Variants in RGS6 observed in about 807,000 individuals in gnomAD.
The protein encoded by RGS6 is regulator of G-protein signaling 6.
In RGS6, 30 loss-of-function variants were observed where a neutral mutation model predicts 78.5. The observed-to-expected ratio is 0.38, with a 90% CI of 0.29 to 0.52. The LOEUF (loss-of-function observed/expected upper bound fraction) is 0.52, where lower values mean the gene tolerates loss of function less well. Ranked by LOEUF, RGS6 falls within the 20% of genes least tolerant of loss-of-function variation. RGS6 has a pLI of 0.85. For synonymous variants in RGS6, 206 were observed against 206.0 expected (o/e 1.00, Z 0.00); for missense variants, 495 against 609.7 (o/e 0.81, Z 1.98).
chr14:72,278,219 G>A (rs1206056987), intron 2 of RGS6, among the ~76,000 whole-genome samples: 1 of 152,142 alleles, frequency 6.6e-6, no homozygotes, highest in African/African-American at 2.4e-5. Context: ...ATCCTTCAAC[G>A]ATTCCTGAAT....
chr14:71,925,961 G>T, the RGS6 span, among the ~76,000 whole-genome samples: 2 of 151,968 alleles, frequency 1.3e-5, no homozygotes, highest in Non-Finnish European at 2.9e-5. Flanking sequence ...AACCAAGGAG[G>T]TAAAAGATCT....
chr14:72,081,020 G>T (rs1370268986), intron 2 of RGS6, among the ~76,000 whole-genome samples: 1 of 152,018 alleles, frequency 6.6e-6, no homozygotes, highest in Non-Finnish European at 1.5e-5. Context: ...GGTTCCATAT[G>T]AATTTTAGGA....
intron 3 of RGS6, among the ~76,000 whole-genome samples, chr14:72,392,209 A>C (rs961128321): frequency 6.7e-6 from 1 of 150,080 alleles, no homozygotes; most frequent in African/African-American, 2.5e-5. Flanking sequence ...TATATTTGTC[A>C]CAAGGATTTG....
In RGS6 at chr14:71,991,597, A is replaced by G. The variant is rs192093759; in HGVS notation, c.84+26722A>G. On this transcript the variant is annotated intron_variant, in intron 2 of 17. Coordinates refer to ENST00000553525, the MANE Select transcript of RGS6 (RefSeq NM_001204424.2). ...AATTCCGAAATTATAGATAAGCCAA[A>G]GAAATAAATAAAACATGTAACAACC... 2.9e-3 allele frequency among the ~76,000 whole-genome samples: 443 copies of G among 152,350 alleles called. 2 individuals are homozygous for G. Among genetic ancestry groups the G allele is most frequent in the Non-Finnish European group, 4.3e-3 (293 of 68,030 alleles).
chr14:72,523,574 A>C (rs981223697), intron 15 of RGS6, among the ~76,000 whole-genome samples: 3 of 151,966 alleles, frequency 2.0e-5, no homozygotes, highest in Non-Finnish European at 4.4e-5. Flanking sequence ...TTCTTATTTG[A>C]CCACACGCAT....
intron 3 of RGS6, among the ~76,000 whole-genome samples, chr14:72,390,479 AC>A (rs2089667700): frequency 6.6e-6 from 1 of 152,164 alleles, no homozygotes; most frequent in African/African-American, 2.4e-5. Flanking sequence ...TATAGATGGG[AC>A]AAAAAGATTT....
rs896278669 is a variant in RGS6 at position 72,073,615 on chromosome 14, A to G, written c.84+108740A>G. On this transcript the variant is annotated intron_variant, in intron 2 of 17. Transcript: ENST00000553525. Reference sequence around the variant, plus strand: ...CACACTGGGACCACTTAGACATGCCAGTTCACCTAATGGGCACAGCTTTGG... The same window carrying G: ...CACACTGGGACCACTTAGACATGCCGGTTCACCTAATGGGCACAGCTTTGG... Among the ~76,000 whole-genome samples the G allele has an allele frequency of 7.9e-5, 12 of 152,344 alleles. No homozygotes were observed. In the East Asian group the frequency reaches 1.9e-3, roughly 24 times the overall value.
the RGS6 span, among the ~76,000 whole-genome samples, chr14:72,591,833 G>A: frequency 1.3e-5 from 2 of 152,182 alleles, no homozygotes; most frequent in African/African-American, 2.4e-5. Context: ...GAAGGGTTGG[G>A]TATCCTGTCC....
At chr14:72,427,554 G>A (rs1284759028) in intron 3 of RGS6, among the ~76,000 whole-genome samples, 1 of 152,172 alleles carries the variant, frequency 6.6e-6, no homozygotes, top group Non-Finnish European at 1.5e-5. Flanking sequence ...TATTCTGTTG[G>A]GGGTAGTTTG....
chr14:72,447,710 C>A (rs2095400694), intron 3 of RGS6, among the ~76,000 whole-genome samples: 1 of 152,108 alleles, frequency 6.6e-6, no homozygotes. Context: ...GTCCTGTTTT[C>A]TTTATTTTTG....
chr14:71,970,810 C>T (rs1362752431), intron 2 of RGS6, among the ~76,000 whole-genome samples: 2 of 152,086 alleles, frequency 1.3e-5, no homozygotes, highest in Non-Finnish European at 2.9e-5. Context: ...TTGGTAGAAG[C>T]AACTGAGGGG....
At chr14:72,280,828 T>TA (rs1333707453) in intron 2 of RGS6, among the ~76,000 whole-genome samples, 1 of 152,218 alleles carries the variant, frequency 6.6e-6, no homozygotes, top group East Asian at 1.9e-4. Context: ...GTCCAGGTCT[T>TA]ATATGACTCC....
intron 2 of RGS6, among the ~76,000 whole-genome samples, chr14:72,294,695 C>G (rs1179680144): frequency 1.3e-5 from 2 of 151,976 alleles, no homozygotes; most frequent in African/African-American, 2.4e-5. Context: ...TTCACATGGC[C>G]AGGGCAGGAG....
At chr14:72,275,316 C>G (rs966603634) in intron 2 of RGS6, among the ~76,000 whole-genome samples, 1 of 152,132 alleles carries the variant, frequency 6.6e-6, no homozygotes, top group African/African-American at 2.4e-5. Context: ...CTAACAAATT[C>G]AGGCCACATG....
intron 7 of RGS6, among the ~76,000 whole-genome samples, chr14:72,467,006 CTCTA>C (rs140779817): frequency 0.037 from 5,590 of 152,260 alleles, 328 homozygotes; most frequent in African/African-American, 0.13. Flanking sequence ...TACCTTCCTT[CTCTA>C]TCTTTCTTCA....
At chr14:72,422,358 C>G (rs769678737) in intron 3 of RGS6, among the ~76,000 whole-genome samples, 1 of 152,024 alleles carries the variant, frequency 6.6e-6, no homozygotes, top group African/African-American at 2.4e-5. Context: ...TAATATCAAT[C>G]AACATATATA....
rs557642450 is a variant in RGS6 at position 72,496,829 on chromosome 14, A to AAT, written c.965+1575_965+1576dup. On this transcript the variant is annotated intron_variant, in intron 13 of 17. Coordinates refer to ENST00000553525, the MANE Select transcript of RGS6 (RefSeq NM_001204424.2). ...TCTATCCTTTTGTATAATTGGGTTC[A>AAT]ATATATATACCCAAATATGTACATA... Among the ~76,000 whole-genome samples the AAT allele has an allele frequency of 1.2e-3, 182 of 152,190 alleles. 4 individuals are homozygous for AAT. In the South Asian group the frequency reaches 0.02, roughly 17 times the overall value.
chr14:72,171,535 C>T (rs2153683450), intron 2 of RGS6, among the ~76,000 whole-genome samples: 1 of 152,308 alleles, frequency 6.6e-6, no homozygotes, highest in African/African-American at 2.4e-5. Context: ...TTTTAACTTT[C>T]CTTCACTTCT....
intron 3 of RGS6, among the ~76,000 whole-genome samples, chr14:72,384,526 G>A (rs556609606): frequency 4.6e-5 from 7 of 151,954 alleles, no homozygotes; most frequent in African/African-American, 9.7e-5. Context: ...GTTTGCATAC[G>A]TTTCAGTTTT....
Sources: gnomAD v4.1 joint callset for allele counts (sites outside exome capture counted in the v4.1 genomes callset) on GRCh38, gnomAD v4.1.1 for gene constraint, MANE v1.5 for transcripts, NCBI Gene and HGNC (gene_info 2026-07-23, HGNC 2026-07-21) for gene names.